GSK3B: variants seen among roughly 807,000 people sequenced by gnomAD.
The protein encoded by GSK3B is glycogen synthase kinase 3 beta, also known as glycogen synthase kinase-3 beta.
GSK3B carries 15 observed loss-of-function variants against 56.4 expected under a neutral mutation model. The ratio of observed to expected loss-of-function variants is 0.27; its 90% confidence interval spans 0.18 to 0.41. The LOEUF is 0.41. GSK3B is among the 10% of genes least tolerant of loss of function. The pLI is 1.00. For missense variants in GSK3B, 300 were observed against 513.4 expected (o/e 0.58, Z 4.02); for synonymous variants, 181 against 188.9 (o/e 0.96, Z 0.34).
intron 1 of GSK3B, among the ~76,000 whole-genome samples, chr3:120,081,174 G>C (rs1489077260): frequency 1.3e-5 from 2 of 151,880 alleles, no homozygotes; most frequent in African/African-American, 4.8e-5. Flanking sequence ...GAGCCACTCA[G>C]TGCTAAGCAC....
intron 10 of GSK3B, among the ~76,000 whole-genome samples, chr3:119,841,687 A>T (rs1410640169): frequency 6.6e-6 from 1 of 152,214 alleles, no homozygotes; most frequent in Non-Finnish European, 1.5e-5. Context: ...ATGTTGTCCT[A>T]AAGTAATTGC....
At position 120,028,913 on chromosome 3, in the gene GSK3B, C is replaced by T. The variant is rs2057952451; in HGVS notation, c.89-26674G>A. 3.4e-5 allele frequency: 18 copies of T among 533,790 alleles called. 1 individual carries two copies. The South Asian group carries it at 3.7e-4, about 11-fold the overall frequency. The allele number at this position is 533,790 out of a possible 1,614,324, so 33.1% of individuals were successfully genotyped here. ...GGATTCAGAAAAGCACCCAGGAAGG[C>T]TGAACCTCAAAGATCAGACACAGGC... On this transcript the variant is annotated intron_variant, in intron 1 of 10. Transcript: ENST00000264235.
chr3:120,094,414 C>A lies in GSK3B; in HGVS notation c.-980G>T. 1 of 319,456 alleles carries A rather than the reference C, an allele frequency of 3.1e-6. No individual in the cohort carries two copies. The highest frequency in any genetic ancestry group is 4.0e-5 in the South Asian group (1 of 24,760). 19.8% of individuals were successfully genotyped at this position (319,456 alleles called of 1,614,324 possible). On this transcript the variant is annotated 5_prime_UTR_variant, in exon 1 of 11. Coordinates refer to ENST00000264235, the MANE Select transcript of GSK3B (RefSeq NM_001146156.2). ...GCGGCGGCGGCGGCGGCGGCACAAG[C>A]CCGCATTCGCCCGGGTCAGGAGCTG... is the stretch of plus-strand genomic sequence containing the variant.
chr3:119,861,493 A>G (rs2056100759), intron 9 of GSK3B, among the ~76,000 whole-genome samples: 1 of 151,076 alleles, frequency 6.6e-6, no homozygotes, highest in Admixed American at 6.6e-5. Flanking sequence ...CCTGAGTGAC[A>G]GAGTGAGACT....
At position 119,979,150 on chromosome 3, in the gene GSK3B, G is replaced by A. The variant is rs576853569; in HGVS notation, c.282+22896C>T. On this transcript the variant is annotated intron_variant, in intron 2 of 10. Coordinates refer to ENST00000264235, the MANE Select transcript of GSK3B (RefSeq NM_001146156.2). ...ATTAGATAATGGCAGCCCATGGTCC[G>A]AAAATGGCATCTTTAACTTGCAAAT... Among the ~76,000 whole-genome samples the A allele has an allele frequency of 7.2e-5, 11 of 152,254 alleles. No homozygotes were observed. The South Asian group carries it at 8.3e-4, about 11-fold the overall frequency.
At chr3:120,050,528 C>T (rs1215044926) in intron 1 of GSK3B, among the ~76,000 whole-genome samples, 1 of 152,078 alleles carries the variant, frequency 6.6e-6, no homozygotes, top group African/African-American at 2.4e-5. Context: ...AGGGGGTAGA[C>T]TTGAAGAATG....
intron 1 of GSK3B, among the ~76,000 whole-genome samples, chr3:120,014,125 A>T (rs1316784283): frequency 7.2e-6 from 1 of 138,096 alleles, no homozygotes; most frequent in African/African-American, 2.9e-5. Flanking sequence ...ACAGAGTGAG[A>T]CTCTGTCAAA....
At chr3:119,901,885 T>G (rs531396960) in intron 7 of GSK3B, among the ~76,000 whole-genome samples, 18 of 152,218 alleles carry the variant, frequency 1.2e-4, no homozygotes, top group Non-Finnish European at 2.5e-4. Context: ...GATTATCCAC[T>G]TTCTTTTTTT....
At chr3:119,978,825 T>A (rs531966097) in intron 2 of GSK3B, among the ~76,000 whole-genome samples, 12 of 152,300 alleles carry the variant, frequency 7.9e-5, no homozygotes, top group Admixed American at 6.5e-4. Flanking sequence ...AAAAGTCAGG[T>A]CAGCCATCCC....
chr3:119,947,623 T>C (rs77561411), intron 2 of GSK3B, among the ~76,000 whole-genome samples: 4 of 152,228 alleles, frequency 2.6e-5, no homozygotes, highest in Non-Finnish European at 4.4e-5. Flanking sequence ...TCTAAGAATA[T>C]GGTAATAAGA....
At chr3:120,082,683 C>T (rs1384473625) in intron 1 of GSK3B, among the ~76,000 whole-genome samples, 2 of 151,908 alleles carry the variant, frequency 1.3e-5, no homozygotes, top group East Asian at 1.9e-4. Context: ...CATGAGCCAC[C>T]GCGCCCGGCC....
intron 10 of GSK3B, among the ~76,000 whole-genome samples, chr3:119,832,240 C>A (rs911572997): frequency 1.3e-5 from 2 of 152,210 alleles, no homozygotes; most frequent in Non-Finnish European, 2.9e-5. Context: ...CTGAGGCTTC[C>A]TGCATACAGG....
intron 10 of GSK3B, among the ~76,000 whole-genome samples, chr3:119,833,783 C>T (rs1167334010): frequency 6.7e-6 from 1 of 148,378 alleles, no homozygotes; most frequent in Non-Finnish European, 1.5e-5. Context: ...GCAACCTCTG[C>T]TTCCTGGGTT....
At chr3:119,827,821 G>C (rs2055538253) in intron 10 of GSK3B, among the ~76,000 whole-genome samples, 1 of 150,766 alleles carries the variant, frequency 6.6e-6, no homozygotes, top group Non-Finnish European at 1.5e-5. Flanking sequence ...GTTACCAGAG[G>C]TTGGGAAGGG....
intron 9 of GSK3B, among the ~76,000 whole-genome samples, chr3:119,862,239 T>A (rs6773751): frequency 7.0e-6 from 1 of 143,210 alleles, no homozygotes; most frequent in African/African-American, 2.6e-5. Flanking sequence ...ATGGATGAAA[T>A]TGGAAACCAT....
At chr3:120,020,304 G>A (rs1487889886) in intron 1 of GSK3B, among the ~76,000 whole-genome samples, 1 of 151,984 alleles carries the variant, frequency 6.6e-6, no homozygotes, top group African/African-American at 2.4e-5. Flanking sequence ...ATATAATAAG[G>A]AACATGCCTA....
rs952486283 is a variant in GSK3B, at chr3:119,824,388, G to A, written c.*2400C>T. ...ACACACAATGAAATGAGAGAAAAGC[G>A]TGACTTTTCTCTCTTCTTTTACCCC... On this transcript the variant is annotated 3_prime_UTR_variant, in exon 11 of 11. Transcript: ENST00000264235. 4.1e-5 allele frequency: 9 copies of A among 220,532 alleles called. No individual in the cohort carries two copies. The highest frequency in any genetic ancestry group is 1.8e-4 in the South Asian group (1 of 5,418). 13.7% of individuals were successfully genotyped at this position (220,532 alleles called of 1,614,324 possible). A position where few individuals can be genotyped will look rare whatever the true frequency, so the allele number is the denominator to read the frequency against.
chr3:119,843,179 T>C, intron 10 of GSK3B, 76 bp downstream of exon 10: 1 of 843,964 alleles, frequency 1.2e-6, no homozygotes, highest in Non-Finnish European at 1.9e-6. Context: ...CCTCCCAAAG[T>C]GCTGGGATTA....
At chr3:119,869,791 G>C (rs2056229671) in intron 8 of GSK3B, among the ~76,000 whole-genome samples, 1 of 152,134 alleles carries the variant, frequency 6.6e-6, no homozygotes, top group Admixed American at 6.6e-5. Context: ...ACTTAAAGTT[G>C]CAGTTTCTAA....
Sources: gnomAD v4.1 joint callset for allele counts (sites outside exome capture counted in the v4.1 genomes callset) on GRCh38, gnomAD v4.1.1 for gene constraint, MANE v1.5 for transcripts, NCBI Gene and HGNC (gene_info 2026-07-23, HGNC 2026-07-21) for gene names.